NAA11: variants seen among roughly 807,000 people sequenced by gnomAD.
NAA11 encodes the protein N-alpha-acetyltransferase 11.
A neutral mutation model predicts 16.1 loss-of-function variants in NAA11; 15 were observed. The ratio of observed to expected loss-of-function variants is 0.93; its 90% CI spans 0.62 to 1.44. The LOEUF (loss-of-function observed/expected upper bound fraction) is 1.44, where lower values mean the gene tolerates loss of function less well. Ranked by LOEUF, NAA11 falls within the 40% of genes most tolerant of loss-of-function variation. The pLI, the probability that NAA11 is intolerant of heterozygous loss-of-function variation, is 0.00. For synonymous variants in NAA11, 122 were observed against 112.4 expected (o/e 1.09, Z -0.54); for missense variants, 298 against 291.3 (o/e 1.02, Z -0.17).
chr4:79,196,904 G>C, the NAA11 span, among the ~76,000 whole-genome samples: 2 of 122,602 alleles, frequency 1.6e-5, no homozygotes, highest in African/African-American at 6.1e-5. Context: ...TTTGAAGATA[G>C]AAGGGGCCAT....
At chr4:79,191,957 G>GT in the NAA11 span, among the ~76,000 whole-genome samples, 1 of 152,082 alleles carries the variant, frequency 6.6e-6, no homozygotes, top group Admixed American at 6.5e-5. Flanking sequence ...CCTCTTTCTT[G>GT]TTTTTGTCAG....
chr4:79,299,233 T>A (rs1408015591), intron 1 of NAA11: 1 of 152,200 alleles, frequency 6.6e-6, no homozygotes, highest in African/African-American at 2.4e-5. Context: ...ATTTTACCAA[T>A]AAGAAAACCG....
At chr4:79,208,906 C>CA in the NAA11 span, among the ~76,000 whole-genome samples, 100 of 24,006 alleles carry the variant, frequency 4.2e-3, no homozygotes, top group African/African-American at 0.012. Flanking sequence ...AAAGTGATCT[C>CA]AAAAAATTAT....
At chr4:79,242,509 C>G (rs1397100733) in intron 2 of NAA11, among the ~76,000 whole-genome samples, 2 of 152,212 alleles carry the variant, frequency 1.3e-5, no homozygotes, top group African/African-American at 2.4e-5. Context: ...GAAGTCTGAA[C>G]CCCAGACTTA....
At chr4:79,164,458 C>T in the NAA11 span, among the ~76,000 whole-genome samples, 2 of 152,186 alleles carry the variant, frequency 1.3e-5, no homozygotes, top group Non-Finnish European at 1.5e-5. Context: ...TAAGAGAAGA[C>T]ACCAAGGTTA....
chr4:79,291,078 T>G (rs959194252), intron 2 of NAA11, among the ~76,000 whole-genome samples: 4 of 152,118 alleles, frequency 2.6e-5, no homozygotes, highest in African/African-American at 9.7e-5. Flanking sequence ...GGAAACAAAA[T>G]AAAATAGTAC....
chr4:79,293,256 G>C (rs762944029), intron 2 of NAA11, among the ~76,000 whole-genome samples: 2 of 152,014 alleles, frequency 1.3e-5, no homozygotes, highest in African/African-American at 2.4e-5. Context: ...TTTTAAAAAT[G>C]GTTACCTTAG....
At chr4:79,258,263 G>A (rs1194403352) in intron 2 of NAA11, among the ~76,000 whole-genome samples, 1 of 152,270 alleles carries the variant, frequency 6.6e-6, no homozygotes, top group African/African-American at 2.4e-5. Flanking sequence ...TTGCTCCACA[G>A]AGCAGGACCC....
intron 2 of NAA11, among the ~76,000 whole-genome samples, chr4:79,246,872 C>T (rs879285523): frequency 3.3e-5 from 5 of 152,118 alleles, no homozygotes; most frequent in Non-Finnish European, 7.3e-5. Context: ...TTTTTCTAAT[C>T]GGAATCACCC....
chr4:79,199,606 A>G, the NAA11 span, among the ~76,000 whole-genome samples: 1 of 151,912 alleles, frequency 6.6e-6, no homozygotes, highest in South Asian at 2.1e-4. Context: ...CCTCATTACA[A>G]TAATGGCTTG....
the NAA11 span, among the ~76,000 whole-genome samples, chr4:79,175,074 A>G: frequency 6.6e-6 from 1 of 152,120 alleles, no homozygotes; most frequent in Non-Finnish European, 1.5e-5. Flanking sequence ...CAGCTGGAAC[A>G]GTTTGCTGCT....
At chr4:79,308,590 C>G (rs1189530428) in intron 1 of NAA11, 2 of 152,174 alleles carry the variant, frequency 1.3e-5, no homozygotes, top group Non-Finnish European at 2.9e-5. Context: ...CAGCTAAGCC[C>G]TGTCCCTGAT....
At chr4:79,325,091 G>A (rs1724219313) in intron 1 of NAA11, 85 bp downstream of exon 1, 6 of 1,243,140 alleles carry the variant, frequency 4.8e-6, no homozygotes, top group Admixed American at 5.4e-5. Context: ...GCCAGAATGG[G>A]GTAAGACAGG....
downstream of NAA11, among the ~76,000 whole-genome samples, chr4:79,222,585 C>G (rs1418639151): frequency 2.0e-5 from 3 of 148,264 alleles, no homozygotes; most frequent in African/African-American, 7.5e-5. Context: ...TAGGCATGGG[C>G]AAGGACTTCA....
chr4:79,209,190 T>C, the NAA11 span, among the ~76,000 whole-genome samples: 2 of 152,132 alleles, frequency 1.3e-5, no homozygotes, highest in Admixed American at 1.3e-4. Context: ...CAGCACCAAG[T>C]GGCCTAAATG....
intron 2 of NAA11, among the ~76,000 whole-genome samples, chr4:79,293,282 G>A (rs1420893293): frequency 6.6e-6 from 1 of 152,036 alleles, no homozygotes; most frequent in Non-Finnish European, 1.5e-5. Context: ...AAAAACAAAG[G>A]GAAAGACTCT....
chr4:79,325,074 T>C, intron 1 of NAA11, 102 bp downstream of exon 1: 1 of 1,093,828 alleles, frequency 9.1e-7, no homozygotes, highest in Non-Finnish European at 1.3e-6. Context: ...CCGTAAAATC[T>C]CGCAGGGCCA....
intron 2 of NAA11, among the ~76,000 whole-genome samples, chr4:79,283,480 G>C (rs1465986041): frequency 6.6e-6 from 1 of 152,084 alleles, no homozygotes; most frequent in African/African-American, 2.4e-5. Context: ...ATTACAGGTA[G>C]TGATGCAGGT....
chr4:79,157,136 C>G, the NAA11 span, among the ~76,000 whole-genome samples: 1 of 152,058 alleles, frequency 6.6e-6, no homozygotes, highest in South Asian at 2.1e-4. Context: ...TTTTGGGGAA[C>G]AGTTGGCATT....
Sources: allele counts gnomAD v4.1 joint callset (sites outside exome capture counted in the v4.1 genomes callset), GRCh38; gene constraint gnomAD v4.1.1; transcripts MANE v1.5; gene names NCBI Gene and HGNC (gene_info 2026-07-23, HGNC 2026-07-21).